The following KIR2DL1 variants were observed in gnomAD, a reference collection of about 807,000 sequenced individuals.
KIR2DL1 encodes the protein killer cell immunoglobulin-like receptor 2DL1.
In KIR2DL1, 38 loss-of-function variants were observed where a neutral mutation model predicts 33.9. The observed-to-expected ratio is 1.12, with a 90% confidence interval of 0.86 to 1.47. The LOEUF is 1.47. Among genes scored for constraint, KIR2DL1 ranks in the 40% most tolerant of loss-of-function variants. The probability of loss-of-function intolerance (pLI) is 0.00; values close to 1 mark genes in which losing one functional copy is unlikely to be tolerated. For missense variants in KIR2DL1, 531 were observed against 433.9 expected (o/e 1.22, Z -1.99); for synonymous variants, 179 against 165.9 (o/e 1.08, Z -0.61).
Position 54,783,470 on chromosome 19 carries a change from C to G in KIR2DL1, c.818-16C>G. On this transcript the variant is annotated splice_polypyrimidine_tract_variant and intron_variant, in intron 6 of 7. Coordinates refer to ENST00000336077, the MANE Select transcript of KIR2DL1 (RefSeq NM_014218.3). ...AGTGCCCTCCGAGCTGTTTTGTTGA[C>G]TTCCATCTTCTACAGATGCTGCGGT... 1 of 1,612,652 alleles carries G rather than the reference C, an allele frequency of 6.2e-7. No individual in the cohort carries two copies. Among genetic ancestry groups the G allele is most frequent in the Non-Finnish European group, 8.5e-7 (1 of 1,178,948 alleles).
rs752123599 is a variant in KIR2DL1, at chr19:54,773,615, T to C, written c.353T>C (p.Leu118Pro). 2.5e-6 allele frequency: 4 copies of C among 1,575,636 alleles called. 1 individual carries two copies. Among genetic ancestry groups the C allele is most frequent in the South Asian group, 2.2e-5 (2 of 90,124 alleles). ...PYQVSAPSDP[L>P]DIVIIGLYEK... ...CAGGTGTCAGCTCCCAGTGACCCTC[T>C]GGACATCGTGATCATAGGTGAGAGT... Residue 118 changes from leucine (L) to proline (P), a missense_variant, in exon 3 of 8, where the codon CTG becomes CCG. Leu to Pro is a moderately conservative substitution (Grantham distance 98). Coordinates refer to ENST00000336077, the MANE Select transcript of KIR2DL1 (RefSeq NM_014218.3).
chr19:54,781,505 T>C (rs1192036457), intron 5 of KIR2DL1, among the ~76,000 whole-genome samples: 2 of 150,566 alleles, frequency 1.3e-5, no homozygotes, highest in South Asian at 2.1e-4. Context: ...AGATAGACCA[T>C]GGGGAGGTAA....
chr19:54,776,910 G>A (rs1322157976), intron 4 of KIR2DL1, among the ~76,000 whole-genome samples: 7 of 147,984 alleles, frequency 4.7e-5, no homozygotes, highest in South Asian at 2.1e-4. Context: ...CCAAAGTGCC[G>A]GGATTACAGG....
chr19:54,770,744 C>A, intron 1 of KIR2DL1, 105 bp from the exon 2 acceptor site: 1 of 1,465,232 alleles, frequency 6.8e-7, no homozygotes, highest in Non-Finnish European at 9.5e-7. Flanking sequence ...AGTTTACCTT[C>A]AGCCCAGGAA....
rs1438706121 is a variant in KIR2DL1, at chr19:54,777,153, C to T, written c.665-1459C>T. Among the ~76,000 whole-genome samples, 4 of 151,074 alleles carry T rather than the reference C, an allele frequency of 2.6e-5. No individual in the cohort carries two copies. The East Asian group carries it at 7.7e-4, about 29-fold the overall frequency. On this transcript the variant is annotated intron_variant, in intron 4 of 7. Transcript: ENST00000336077. Reference sequence around the variant, plus strand: ...TCACCCAGGCTGGAGTGCAGTGGCGCTATCTCGGCTCACCACAACCTCCAC... The same window carrying T: ...TCACCCAGGCTGGAGTGCAGTGGCGTTATCTCGGCTCACCACAACCTCCAC...
At chr19:54,778,234 G>C (rs1299062000) in intron 4 of KIR2DL1, among the ~76,000 whole-genome samples, 3 of 149,354 alleles carry the variant, frequency 2.0e-5, no homozygotes, top group African/African-American at 7.3e-5. Context: ...ACTCCAGCCT[G>C]AGTGACAGAG....
At chr19:54,771,465 T>C (rs1315852660) in intron 2 of KIR2DL1, among the ~76,000 whole-genome samples, 1 of 147,612 alleles carries the variant, frequency 6.8e-6, no homozygotes, top group Non-Finnish European at 1.5e-5. Context: ...ACCTTGTGTT[T>C]GCGGGATGGG....
intron 4 of KIR2DL1, among the ~76,000 whole-genome samples, chr19:54,778,111 A>C (rs1200508056): frequency 6.8e-6 from 1 of 147,498 alleles, no homozygotes; most frequent in African/African-American, 2.5e-5. Flanking sequence ...AAATATAAAA[A>C]TTAGCTGAGC....
At chr19:54,776,821 T>C (rs1221033424) in intron 4 of KIR2DL1, among the ~76,000 whole-genome samples, 6 of 146,450 alleles carry the variant, frequency 4.1e-5, no homozygotes, top group Non-Finnish European at 7.6e-5. Context: ...TTGGTTTTTT[T>C]AGTATAGATG....
At chr19:54,781,832 G>C (rs1417966788) in intron 5 of KIR2DL1, among the ~76,000 whole-genome samples, 2 of 152,044 alleles carry the variant, frequency 1.3e-5, no homozygotes, top group African/African-American at 2.4e-5. Flanking sequence ...CAAGTTGTTT[G>C]ATTCAAGAAT....
intron 5 of KIR2DL1, among the ~76,000 whole-genome samples, chr19:54,780,738 T>C (rs1247325627): frequency 7.1e-6 from 1 of 140,094 alleles, no homozygotes; most frequent in Non-Finnish European, 1.6e-5. Flanking sequence ...CTGGAAAGGC[T>C]TACTGGGTTT....
chr19:54,774,731 G>A (rs2076129055), intron 3 of KIR2DL1, among the ~76,000 whole-genome samples: 2 of 148,158 alleles, frequency 1.3e-5, no homozygotes, highest in African/African-American at 2.5e-5. Flanking sequence ...TGGATAGATA[G>A]ACAATTGATG....
intron 1 of KIR2DL1, among the ~76,000 whole-genome samples, chr19:54,770,538 C>G (rs1209151529): frequency 4.6e-5 from 6 of 129,970 alleles, no homozygotes; most frequent in African/African-American, 1.8e-4. Context: ...GATATGGGCC[C>G]AGGGTGGAGA....
intron 5 of KIR2DL1, among the ~76,000 whole-genome samples, 181 bp downstream of exon 5, chr19:54,778,843 T>C (rs1189614535): frequency 3.4e-5 from 5 of 148,398 alleles, no homozygotes; most frequent in African/African-American, 1.2e-4. Flanking sequence ...CAGTGAAATC[T>C]CTTCATCTCT....
Position 54,773,402 on chromosome 19 carries a change from T to C in KIR2DL1, c.140T>C (p.Leu47Pro). The C allele has an allele frequency of 6.3e-7, 1 of 1,595,612 alleles. No homozygotes were observed. The highest frequency in any genetic ancestry group is 2.2e-5 in the East Asian group (1 of 44,672). The change falls in exon 3 of 8, where the codon CTG becomes CCG. Residue 47 changes from leucine to proline, a missense_variant. Physicochemically the swap from Leu to Pro is moderately conservative, Grantham distance 98. Transcript: ENST00000336077. ...GTGAAATCAGAAGAGACAGTCATCC[T>C]GCAGTGTTGGTCAGATGTCATGTTT... Reference protein sequence around the residue: ...RLVKSEETVILQCWSDVMFEH... With the variant: ...RLVKSEETVIPQCWSDVMFEH...
At chr19:54,783,559 G>T (rs776577058) in intron 7 of KIR2DL1, 21 bp downstream of exon 7, 1 of 1,613,366 alleles carries the variant, frequency 6.2e-7, no homozygotes, top group Non-Finnish European at 8.5e-7. Context: ...CTCGGCCCGG[G>T]CTCGTGGCTA....
At chr19:54,781,763 G>A (rs553878471) in intron 5 of KIR2DL1, among the ~76,000 whole-genome samples, 10 of 152,216 alleles carry the variant, frequency 6.6e-5, no homozygotes, top group African/African-American at 2.4e-4. Context: ...TGACATAAGA[G>A]AATTCTATTT....
Position 54,782,922 on chromosome 19 carries a change from G to T in KIR2DL1, c.716G>T (p.Gly239Val). The T allele has an allele frequency of 1.2e-6, 2 of 1,613,340 alleles. No homozygotes were observed. Among genetic ancestry groups the T allele is most frequent in the Non-Finnish European group, 1.7e-6 (2 of 1,179,632 alleles). The change falls in exon 6 of 8, where the codon GGT becomes GTT. Residue 239 changes from glycine (G) to valine (V), a missense_variant and splice_region_variant. Transcript: ENST00000336077. ...PSPTEPSSKTGNPRHLHILIG... is the reference protein window; with the variant it reads ...PSPTEPSSKTVNPRHLHILIG... ...TTATTGGTGTCTCATCTTCTTCCAG[G>T]TAACCCCCGACACCTGCACATTCTG...
chr19:54,770,333 G>A lies in KIR2DL1; in HGVS notation c.34+449G>A, dbSNP rs1239895819. 2.1e-5 allele frequency among the ~76,000 whole-genome samples: 3 copies of A among 145,510 alleles called. 1 individual carries two copies. Among genetic ancestry groups the A allele is most frequent in the African/African-American group, 7.6e-5 (3 of 39,608 alleles). ...AGAGGTCGATATCTGGGCCTGGAGTGGAGATATGGGCCAGGAGTGGAGATA... is the reference window on the plus strand; with the variant it reads ...AGAGGTCGATATCTGGGCCTGGAGTAGAGATATGGGCCAGGAGTGGAGATA... On this transcript the variant is annotated intron_variant, in intron 1 of 7. Transcript: ENST00000336077.
Sources: allele counts gnomAD v4.1 joint callset (sites outside exome capture counted in the v4.1 genomes callset), GRCh38; gene constraint gnomAD v4.1.1; transcripts MANE v1.5; gene names NCBI Gene and HGNC (gene_info 2026-07-23, HGNC 2026-07-21).